The following MAN1A1 variants were observed in gnomAD, a reference collection of about 807,000 sequenced individuals.
MAN1A1 encodes mannosidase alpha class 1A member 1, also known as mannosyl-oligosaccharide 1,2-alpha-mannosidase IA.
A neutral mutation model predicts 70.8 loss-of-function variants in MAN1A1; 29 were observed. That is an observed-to-expected ratio of 0.41 (90% CI 0.31 to 0.56). The LOEUF (loss-of-function observed/expected upper bound fraction) is 0.56. MAN1A1 is among the 20% of genes least tolerant of loss of function. The pLI is 0.29. For synonymous variants in MAN1A1, 349 were observed against 330.1 expected (o/e 1.06, Z -0.62); for missense variants, 747 against 841.3 (o/e 0.89, Z 1.39).
chr6:119,184,682 ACAAAAC>A (rs1411025813), intron 11 of MAN1A1, among the ~76,000 whole-genome samples: 3 of 152,100 alleles, frequency 2.0e-5, no homozygotes, highest in Non-Finnish European at 4.4e-5. Context: ...GTGCAAAAAA[ACAAAAC>A]CAAAAAACCT....
intron 5 of MAN1A1, among the ~76,000 whole-genome samples, chr6:119,251,893 C>T (rs1284464995): frequency 6.6e-6 from 1 of 152,224 alleles, no homozygotes; most frequent in African/African-American, 2.4e-5. Flanking sequence ...GTTTCCTCTG[C>T]CTGCAATGCT....
chr6:119,184,721 CT>C (rs1391169503), intron 11 of MAN1A1, among the ~76,000 whole-genome samples: 2 of 151,750 alleles, frequency 1.3e-5, no homozygotes, highest in African/African-American at 2.4e-5. Flanking sequence ...AAAAAACCCC[CT>C]AAAGCCAAAA....
At chr6:119,299,254 C>T (rs1772317285) in intron 4 of MAN1A1, among the ~76,000 whole-genome samples, 2 of 151,868 alleles carry the variant, frequency 1.3e-5, no homozygotes, top group South Asian at 4.1e-4. Context: ...ATATACCTCT[C>T]CAGAATTTGT....
chr6:119,196,564 T>C (rs1038862459), intron 8 of MAN1A1, among the ~76,000 whole-genome samples: 1 of 152,168 alleles, frequency 6.6e-6, no homozygotes, highest in Non-Finnish European at 1.5e-5. Flanking sequence ...AAAGGTGAGG[T>C]GTACTGTAGT....
intron 2 of MAN1A1, among the ~76,000 whole-genome samples, chr6:119,318,941 A>T (rs1283451974): frequency 1.3e-5 from 2 of 152,238 alleles, no homozygotes; most frequent in African/African-American, 2.4e-5. Flanking sequence ...GAAAAGAGAC[A>T]TATTGCTCAA....
At chr6:119,207,624 T>C (rs921197844) in intron 6 of MAN1A1, among the ~76,000 whole-genome samples, 1 of 152,196 alleles carries the variant, frequency 6.6e-6, no homozygotes, top group African/African-American at 2.4e-5. Context: ...CACTCACAGA[T>C]TGAGGGAGAT....
intron 5 of MAN1A1, among the ~76,000 whole-genome samples, chr6:119,282,541 A>T (rs1256425953): frequency 6.6e-6 from 1 of 152,190 alleles, no homozygotes; most frequent in Non-Finnish European, 1.5e-5. Context: ...TAACCATGGA[A>T]ATTTAATTAT....
At chr6:119,345,384 CTATG>C (rs898331216) in intron 2 of MAN1A1, among the ~76,000 whole-genome samples, 3 of 152,120 alleles carry the variant, frequency 2.0e-5, no homozygotes, top group African/African-American at 7.2e-5. Context: ...TAAATATACA[CTATG>C]TATGTATCAT....
intron 2 of MAN1A1, among the ~76,000 whole-genome samples, chr6:119,314,833 C>T (rs1772808082): frequency 6.6e-6 from 1 of 152,130 alleles, no homozygotes; most frequent in Non-Finnish European, 1.5e-5. Flanking sequence ...AGCCTTCCTC[C>T]TCCTCCACTT....
chr6:119,208,046 T>C (rs1416839259), intron 6 of MAN1A1, among the ~76,000 whole-genome samples: 1 of 152,170 alleles, frequency 6.6e-6, no homozygotes, highest in African/African-American at 2.4e-5. Flanking sequence ...TCAGAAACCA[T>C]TAGTTCCATA....
chr6:119,203,133 C>G (rs1272668749), intron 7 of MAN1A1, among the ~76,000 whole-genome samples: 1 of 152,170 alleles, frequency 6.6e-6, no homozygotes, highest in Non-Finnish European at 1.5e-5. Context: ...TTGGATTTCC[C>G]AGCCTCCAGA....
intron 2 of MAN1A1, among the ~76,000 whole-genome samples, chr6:119,322,548 C>T (rs1488099173): frequency 2.6e-5 from 4 of 152,140 alleles, no homozygotes; most frequent in South Asian, 2.1e-4. Flanking sequence ...TACACCGAAA[C>T]GAGGCAAGAA....
At chr6:119,213,134 C>A (rs1388370189) in intron 6 of MAN1A1, among the ~76,000 whole-genome samples, 1 of 152,142 alleles carries the variant, frequency 6.6e-6, no homozygotes, top group Non-Finnish European at 1.5e-5. Context: ...CCAAAAGAAA[C>A]CAGACAGTTA....
chr6:119,193,186 C>T (rs1440540335), intron 9 of MAN1A1, among the ~76,000 whole-genome samples: 1 of 150,728 alleles, frequency 6.6e-6, no homozygotes, highest in Non-Finnish European at 1.5e-5. Flanking sequence ...AAACCCAACT[C>T]CACCGCTTCA....
chr6:119,189,975 A>G, intron 9 of MAN1A1, 92 bp from the exon 10 acceptor site: 1 of 951,044 alleles, frequency 1.1e-6, no homozygotes, highest in South Asian at 1.6e-5. Flanking sequence ...AGAATAGAAT[A>G]CACCTGACAA....
intron 3 of MAN1A1, among the ~76,000 whole-genome samples, chr6:119,306,663 C>T (rs551424587): frequency 3.9e-5 from 6 of 152,100 alleles, no homozygotes; most frequent in African/African-American, 1.4e-4. Context: ...ATGCCCCAGG[C>T]GTCAGTACTC....
At chr6:119,233,988 G>T (rs1365780030) in intron 6 of MAN1A1, among the ~76,000 whole-genome samples, 2 of 152,172 alleles carry the variant, frequency 1.3e-5, no homozygotes, top group Non-Finnish European at 2.9e-5. Flanking sequence ...GGATTGTCTT[G>T]AGGCAAAGTA....
rs772802177 is a variant in MAN1A1, at chr6:119,349,042, C to A, written c.24G>T (p.Pro8=). Residue 8 remains proline, a synonymous_variant, in exon 2 of 13, where the codon CCG becomes CCT. Coordinates refer to ENST00000368468, the MANE Select transcript of MAN1A1 (RefSeq NM_005907.4). Reference sequence around the variant, plus strand: ...CGCCGCCCGCGGGGCTGCTGAAGAGCGGCAACAGGCCCCCCACGGGCATCG... The same window carrying A: ...CGCCGCCCGCGGGGCTGCTGAAGAGAGGCAACAGGCCCCCCACGGGCATCG... MPVGGLL[P]LFSSPAGGVL... 24 of 1,329,698 alleles carry A rather than the reference C, an allele frequency of 1.8e-5. No homozygotes were observed. The East Asian group carries it at 7.0e-4, about 39-fold the overall frequency. The allele number at this position is 1,329,698 out of a possible 1,614,324, so 82.4% of individuals were successfully genotyped here.
At chr6:119,186,719 G>A (rs987826501) in intron 11 of MAN1A1, among the ~76,000 whole-genome samples, 1 of 152,214 alleles carries the variant, frequency 6.6e-6, no homozygotes, top group Non-Finnish European at 1.5e-5. Context: ...AAGTGCTGGA[G>A]GTGGGAGCTG....
Sources: gnomAD v4.1 joint callset for allele counts (sites outside exome capture counted in the v4.1 genomes callset) on GRCh38, gnomAD v4.1.1 for gene constraint, MANE v1.5 for transcripts, NCBI Gene and HGNC (gene_info 2026-07-23, HGNC 2026-07-21) for gene names.